The following CA10 variants were observed in gnomAD, a reference collection of about 807,000 sequenced individuals.
CA10 encodes the protein carbonic anhydrase-related protein 10.
Under a neutral mutation model 44.2 loss-of-function variants are expected in CA10, and 14 were observed. The observed-to-expected ratio is 0.32, with a 90% CI of 0.21 to 0.50. CA10 has a LOEUF of 0.50. Among genes scored for constraint, CA10 ranks in the 20% least tolerant of loss-of-function variants. CA10 has a pLI of 0.99. For missense variants in CA10, 350 were observed against 409.7 expected (o/e 0.85, Z 1.26); for synonymous variants, 159 against 141.6 (o/e 1.12, Z -0.87).
chr17:51,753,069 A>T (rs1333445455), intron 3 of CA10, among the ~76,000 whole-genome samples: 1 of 152,200 alleles, frequency 6.6e-6, no homozygotes, highest in Non-Finnish European at 1.5e-5. Flanking sequence ...CTATAATTGG[A>T]TGCTAGCCTG....
chr17:52,157,460 C>T (rs1319409768), intron 1 of CA10, among the ~76,000 whole-genome samples: 4 of 151,838 alleles, frequency 2.6e-5, no homozygotes, highest in African/African-American at 9.7e-5. Flanking sequence ...CAACACCCAT[C>T]TGCCTCTTCT....
At chr17:52,064,566 CTTTT>C (rs5820903) in intron 2 of CA10, among the ~76,000 whole-genome samples, 3 of 148,852 alleles carry the variant, frequency 2.0e-5, no homozygotes, top group Non-Finnish European at 4.5e-5. Context: ...AATCATGAGA[CTTTT>C]TTTTTTTTTA....
intron 1 of CA10, among the ~76,000 whole-genome samples, chr17:52,097,960 C>T (rs889930162): frequency 1.3e-5 from 2 of 152,152 alleles, no homozygotes; most frequent in African/African-American, 2.4e-5. Context: ...ATCTTTCCCC[C>T]GTCACCTGGC....
chr17:52,022,459 T>C (rs1679199258), intron 2 of CA10, among the ~76,000 whole-genome samples: 1 of 152,048 alleles, frequency 6.6e-6, no homozygotes, highest in African/African-American at 2.4e-5. Context: ...TATCTCAAAA[T>C]TATTGGCACC....
intron 2 of CA10, among the ~76,000 whole-genome samples, chr17:52,055,872 T>C (rs1428761066): frequency 2.0e-5 from 3 of 152,124 alleles, no homozygotes; most frequent in Non-Finnish European, 4.4e-5. Flanking sequence ...ATAAGGCAGA[T>C]AGCCTCAAAT....
chr17:51,675,266 T>C (rs1438463846), intron 4 of CA10, among the ~76,000 whole-genome samples: 1 of 152,140 alleles, frequency 6.6e-6, no homozygotes, highest in East Asian at 1.9e-4. Flanking sequence ...CCCTTTAAAA[T>C]TCCCAGTTCT....
intron 3 of CA10, among the ~76,000 whole-genome samples, chr17:51,777,407 T>A (rs1905865385): frequency 6.6e-6 from 1 of 152,176 alleles, no homozygotes; most frequent in Non-Finnish European, 1.5e-5. Flanking sequence ...AATACAGTAT[T>A]TGAGGGATAT....
Position 51,831,180 on chromosome 17 carries a change from C to T in CA10, c.280-83362G>A, listed in dbSNP as rs952226294. 3.5e-4 allele frequency among the ~76,000 whole-genome samples: 53 copies of T among 152,150 alleles called. 1 individual carries two copies. The highest frequency in any genetic ancestry group is 1.5e-4 in the Non-Finnish European group (10 of 68,010). ...GAGAGCAATAGCTCTGATGGTAATG[C>T]TTGCATTGAAACAGTTCCCATGGCA... On this transcript the variant is annotated intron_variant, in intron 3 of 8. Transcript: ENST00000451037.
intron 3 of CA10, among the ~76,000 whole-genome samples, chr17:51,805,852 G>A (rs1464355536): frequency 6.6e-6 from 1 of 152,138 alleles, no homozygotes; most frequent in East Asian, 1.9e-4. Context: ...GGAGTTTTTG[G>A]TGTAGTCTGG....
At position 52,158,574 on chromosome 17, in the gene CA10, G is replaced by C. The variant is rs1260121737; in HGVS notation, c.-788C>G. The C allele has an allele frequency of 1.3e-5, 2 of 153,226 alleles. No homozygotes were observed. The highest frequency in any genetic ancestry group is 2.9e-5 in the Non-Finnish European group (2 of 68,910). The allele number at this position is 153,226 out of a possible 1,614,324, so 9.5% of individuals were successfully genotyped here. Reference sequence around the variant, plus strand: ...GGAAGGGCTGGGCCCCGGGGACTGGGGCGCGGTGGGGGCACACAGACTCTC... The same window carrying C: ...GGAAGGGCTGGGCCCCGGGGACTGGCGCGCGGTGGGGGCACACAGACTCTC... On this transcript the variant is annotated 5_prime_UTR_variant, in exon 1 of 9. Transcript: ENST00000451037.
At chr17:51,933,162 T>A (rs1312501514) in intron 2 of CA10, among the ~76,000 whole-genome samples, 1 of 152,150 alleles carries the variant, frequency 6.6e-6, no homozygotes, top group African/African-American at 2.4e-5. Flanking sequence ...CCACCAATGA[T>A]GTTTACTATC....
At chr17:51,806,681 CCCA>C (rs1378137048) in intron 3 of CA10, among the ~76,000 whole-genome samples, 1 of 152,090 alleles carries the variant, frequency 6.6e-6, no homozygotes, top group African/African-American at 2.4e-5. Context: ...GTTTTGAATC[CCCA>C]CAACAAGAAG....
chr17:51,730,078 G>A (rs1471564848), intron 4 of CA10, among the ~76,000 whole-genome samples: 3 of 152,180 alleles, frequency 2.0e-5, no homozygotes, highest in African/African-American at 4.8e-5. Context: ...CTCTAGCAGT[G>A]GCTCCAGTGT....
At chr17:52,029,566 C>T (rs566710856) in intron 2 of CA10, among the ~76,000 whole-genome samples, 51 of 151,508 alleles carry the variant, frequency 3.4e-4, no homozygotes, top group Non-Finnish European at 6.3e-4. Context: ...CCTCTCAAGG[C>T]GAAGGCGTTT....
intron 4 of CA10, among the ~76,000 whole-genome samples, chr17:51,731,905 C>T (rs534231620): frequency 6.6e-6 from 1 of 152,192 alleles, no homozygotes; most frequent in African/African-American, 2.4e-5. Context: ...GAACTCCTGG[C>T]CTCAAGTGAT....
chr17:51,870,611 G>A (rs1287029997), intron 3 of CA10, among the ~76,000 whole-genome samples: 1 of 152,214 alleles, frequency 6.6e-6, no homozygotes, highest in Non-Finnish European at 1.5e-5. Flanking sequence ...TATGCTGTAA[G>A]CACACATTTA....
chr17:51,785,897 G>A (rs897863248), intron 3 of CA10, among the ~76,000 whole-genome samples: 1 of 152,188 alleles, frequency 6.6e-6, no homozygotes, highest in Non-Finnish European at 1.5e-5. Context: ...GCCTTGGGCA[G>A]TATGGACATT....
intron 3 of CA10, among the ~76,000 whole-genome samples, chr17:51,775,515 T>C (rs774994538): frequency 6.6e-6 from 1 of 152,206 alleles, no homozygotes; most frequent in Non-Finnish European, 1.5e-5. Flanking sequence ...TAAGAATCTA[T>C]TGTAAATAGC....
chr17:51,710,027 T>A (rs537692142), intron 4 of CA10, among the ~76,000 whole-genome samples: 1 of 152,292 alleles, frequency 6.6e-6, no homozygotes, highest in African/African-American at 2.4e-5. Flanking sequence ...GGGTGATCCA[T>A]CTATGAAAAG....
Sources: allele counts gnomAD v4.1 joint callset (sites outside exome capture counted in the v4.1 genomes callset), GRCh38; gene constraint gnomAD v4.1.1; transcripts MANE v1.5; gene names NCBI Gene and HGNC (gene_info 2026-07-23, HGNC 2026-07-21).